The following EVC variants were observed in gnomAD, a reference collection of about 807,000 sequenced individuals.
EVC encodes the protein EvC ciliary complex subunit 1, also known as evC complex member EVC.
Under a neutral mutation model 118.9 loss-of-function variants are expected in EVC, and 116 were observed. That is an observed-to-expected ratio of 0.98 (90% CI 0.84 to 1.14). The LOEUF (loss-of-function observed/expected upper bound fraction) is 1.14, where lower values mean the gene tolerates loss of function less well. Ranked by LOEUF, EVC falls within the 50% of genes most tolerant of loss-of-function variation. The pLI is 0.00. For synonymous variants in EVC, 619 were observed against 534.7 expected, an observed-to-expected ratio of 1.16 and a Z score of -2.18; for missense variants, 1,401 against 1,246.4, an observed-to-expected ratio of 1.12 and a Z score of -1.87.
intron 8 of EVC, among the ~76,000 whole-genome samples, chr4:5,751,438 G>C (rs904907059): frequency 1.3e-5 from 2 of 152,258 alleles, no homozygotes; most frequent in Non-Finnish European, 2.9e-5. Flanking sequence ...GGTGGCCAGA[G>C]CCGCCCTTCC....
Position 5,765,065 on chromosome 4 carries a change from C to G in EVC, c.1563+8703C>G, listed in dbSNP as rs1732662805. Among the ~76,000 whole-genome samples, 2 of 116,592 alleles carry G rather than the reference C, an allele frequency of 1.7e-5. 1 individual carries two copies. The highest frequency in any genetic ancestry group is 3.7e-5 in the Non-Finnish European group (2 of 53,950). The allele number at this position is 116,592 out of a possible 152,430, so 76.5% of individuals were successfully genotyped here. ...AGTGCTATAAATTTCTCTCTACACACTGCTTTGAATGCATCCCAGAGATTT... is the reference window on the plus strand; with the variant it reads ...AGTGCTATAAATTTCTCTCTACACAGTGCTTTGAATGCATCCCAGAGATTT... On this transcript the variant is annotated intron_variant, in intron 11 of 20. Transcript: ENST00000264956.
Position 5,777,846 on chromosome 4 carries a change from T to TTGC in EVC, c.1564-5704_1564-5703insCTG, listed in dbSNP as rs1365357557. Among the ~76,000 whole-genome samples, 15 of 152,066 alleles carry TTGC rather than the reference T, an allele frequency of 9.9e-5. 1 individual carries two copies. The Middle Eastern group carries it at 0.017, about 172-fold the overall frequency. On this transcript the variant is annotated intron_variant, in intron 11 of 20. Coordinates refer to ENST00000264956, the MANE Select transcript of EVC (RefSeq NM_153717.3). ...ATTTGAATGAAATTTTTTGTTGTTG[T>TTGC]TGTTATTATACTTTAAGTTTTAGGG...
chr4:5,828,459 G>A, the EVC span: 5 of 1,604,526 alleles, frequency 3.1e-6, no homozygotes. Context: ...GGTCCCACGG[G>A]TGGGCCCGCT....
At position 5,810,437 on chromosome 4, in the gene EVC, T is replaced by C; in HGVS notation, c.2881T>C (p.Ser961Pro). ...NEDLASGDQT[S>P]GSLSSKRLSQ... is the part of the protein sequence containing the mutation. ...GGACCTTGCCTCCGGGGACCAGACCTCAGGCTCACTCAGGTATGACTGGGC... is the reference window on the plus strand; with the variant it reads ...GGACCTTGCCTCCGGGGACCAGACCCCAGGCTCACTCAGGTATGACTGGGC... The change falls in exon 20 of 21, where the codon TCA becomes CCA. Residue 961 changes from serine to proline, a missense_variant. Ser to Pro is a moderately conservative substitution (Grantham distance 74). Coordinates refer to ENST00000264956, the MANE Select transcript of EVC (RefSeq NM_153717.3). The C allele has an allele frequency of 6.2e-7, 1 of 1,610,928 alleles. No individual in the cohort carries two copies. Among genetic ancestry groups the C allele is most frequent in the Non-Finnish European group, 8.5e-7 (1 of 1,178,940 alleles).
At chr4:5,822,448 C>A in the EVC span, among the ~76,000 whole-genome samples, 1 of 151,756 alleles carries the variant, frequency 6.6e-6, no homozygotes, top group Non-Finnish European at 1.5e-5. Flanking sequence ...CATGTGAACT[C>A]CGCAAGCTGG....
At chr4:5,776,352 T>C (rs1312573787) in intron 11 of EVC, among the ~76,000 whole-genome samples, 1 of 152,140 alleles carries the variant, frequency 6.6e-6, no homozygotes, top group Non-Finnish European at 1.5e-5. Flanking sequence ...AAAGTGACCC[T>C]GTGTTTACTA....
chr4:5,714,016 ATCCTGCTC>A (rs1332407146), intron 1 of EVC, among the ~76,000 whole-genome samples: 1 of 152,316 alleles, frequency 6.6e-6, no homozygotes, highest in African/African-American at 2.4e-5. Flanking sequence ...CACTTGCCTC[ATCCTGCTC>A]TCCAGCCACT....
chr4:5,805,936 C>T (rs188914965), intron 17 of EVC, among the ~76,000 whole-genome samples: 69 of 131,492 alleles, frequency 5.2e-4, no homozygotes, highest in Admixed American at 1.1e-3. Context: ...AATTTTGTGA[C>T]ATAGCTATAT....
rs991444136 is a variant in EVC, at chr4:5,711,361, C to A, written c.-20C>A. ...CAGCAGGCGGCGGGATGCGGCGGGG[C>A]GGCAGCCTGAGCGCCCCGGATGGCC... On this transcript the variant is annotated 5_prime_UTR_variant, in exon 1 of 21. Coordinates refer to ENST00000264956, the MANE Select transcript of EVC (RefSeq NM_153717.3). The A allele has an allele frequency of 4.5e-5, 45 of 1,008,232 alleles. 1 individual carries two copies. In the East Asian group the frequency reaches 3.4e-3, roughly 77 times the overall value. The allele number at this position is 1,008,232 out of a possible 1,614,324, so 62.5% of individuals were successfully genotyped here.
chr4:5,825,528 G>C, the EVC span: 1 of 1,581,072 alleles, frequency 6.3e-7, no homozygotes, highest in African/African-American at 1.4e-5. This position sits in a 1 kb window ranked among gnomAD's most constrained non-coding sequence, Gnocchi z 4.4. Flanking sequence ...GGAGGTTTCT[G>C]ATGGGTGGGG....
At chr4:5,824,552 G>T in the EVC span, 1 of 982,350 alleles carries the variant, frequency 1.0e-6, no homozygotes, top group Non-Finnish European at 1.2e-6. Flanking sequence ...TCCTGACCAG[G>T]AATTAGCAAA....
At chr4:5,828,680 G>T in the EVC span, 1 of 1,611,942 alleles carries the variant, frequency 6.2e-7, no homozygotes, top group South Asian at 1.1e-5. Flanking sequence ...TGCACCAACA[G>T]CCTCAGTGTT....
At chr4:5,713,529 T>G (rs542630659) in intron 1 of EVC, among the ~76,000 whole-genome samples, 2 of 152,080 alleles carry the variant, frequency 1.3e-5, no homozygotes, top group East Asian at 3.9e-4. Context: ...AATACAAAAA[T>G]TAGCTGGCAT....
intron 11 of EVC, among the ~76,000 whole-genome samples, chr4:5,768,593 ACAC>A (rs1379971541): frequency 6.6e-6 from 1 of 152,102 alleles, no homozygotes; most frequent in Admixed American, 6.5e-5. Flanking sequence ...ACAGTGGCTC[ACAC>A]CTGTGATCCC....
Position 5,799,236 on chromosome 4 carries a change from G to A in EVC, c.2304+444G>A, listed in dbSNP as rs1046139094. Among the ~76,000 whole-genome samples, 52 of 152,306 alleles carry A rather than the reference G, an allele frequency of 3.4e-4. 1 individual carries two copies. The highest frequency in any genetic ancestry group is 6.8e-3 in the Middle Eastern group (2 of 294). On this transcript the variant is annotated intron_variant, in intron 15 of 20. Transcript: ENST00000264956. The stretch of plus-strand genomic sequence containing the variant: ...TTCATCCTGACGGCTGAGCAATGCC[G>A]CTAAAAATCAGTTCAGCTTGAGTAG...
rs193210070 is a variant in EVC at position 5,743,587 on chromosome 4, C to T, written c.802-1617C>T. ...AGTCCTCATTGTCATCGTCATCGTC[C>T]TTGTTCCTACCACTGTGAGATCTGG... On this transcript the variant is annotated intron_variant, in intron 6 of 20. Coordinates refer to ENST00000264956, the MANE Select transcript of EVC (RefSeq NM_153717.3). This position sits in a 1 kb window ranked among gnomAD's most constrained non-coding sequence, Gnocchi z 4.7. Among the ~76,000 whole-genome samples the T allele has an allele frequency of 6.6e-6, 1 of 152,242 alleles. No homozygotes were observed. The highest frequency in any genetic ancestry group is 1.9e-4 in the East Asian group (1 of 5,182).
chr4:5,827,746 C>CACACACAT, the EVC span, among the ~76,000 whole-genome samples: 1,437 of 152,042 alleles, frequency 9.5e-3, 17 homozygotes, highest in African/African-American at 0.032. Context: ...CACACACACA[C>CACACACAT]ACACACACGA....
chr4:5,810,587 T>C (rs185668552), intron 20 of EVC, 137 bp downstream of exon 20: 765 of 742,370 alleles, frequency 1.0e-3, no homozygotes, highest in Non-Finnish European at 1.0e-4. Flanking sequence ...AAATGACAGA[T>C]ATGAACGTAA....
chr4:5,765,702 T>A (rs1384560847), intron 11 of EVC, among the ~76,000 whole-genome samples: 22 of 127,970 alleles, frequency 1.7e-4, no homozygotes, highest in African/African-American at 5.6e-4. Flanking sequence ...TAAAGTCTGT[T>A]TTATCAGAGA....
Sources: gnomAD v4.1 joint callset for allele counts (sites outside exome capture counted in the v4.1 genomes callset) on GRCh38, gnomAD v4.1.1 for gene constraint, Gnocchi (gnomAD v3.1) non-coding constraint, MANE v1.5 for transcripts, NCBI Gene and HGNC (gene_info 2026-07-23, HGNC 2026-07-21) for gene names.